BBS9: variants seen among roughly 807,000 people sequenced by gnomAD.
The protein encoded by BBS9 is Bardet-Biedl syndrome 9.
Under a neutral mutation model 117.7 loss-of-function variants are expected in BBS9, and 89 were observed. That is an observed-to-expected ratio of 0.76 (90% CI 0.64 to 0.90). The LOEUF (loss-of-function observed/expected upper bound fraction) is 0.90. BBS9 is among the 40% of genes least tolerant of loss of function. The pLI is 0.00. For synonymous variants in BBS9, 379 were observed against 370.9 expected (o/e 1.02, Z -0.25); for missense variants, 982 against 1,042.2 (o/e 0.94, Z 0.80).
intron 3 of BBS9, 120 bp downstream of exon 3, chr7:33,152,971 C>T: frequency 8.7e-7 from 1 of 1,153,754 alleles, no homozygotes; most frequent in African/African-American, 1.5e-5. Flanking sequence ...TGGATATTGT[C>T]ACCTAGGGGT....
At chr7:33,162,302 G>C (rs1286461306) in intron 4 of BBS9, among the ~76,000 whole-genome samples, 1 of 152,058 alleles carries the variant, frequency 6.6e-6, no homozygotes, top group Non-Finnish European at 1.5e-5. Context: ...TATTAAATAG[G>C]GTATCTTTTC....
At chr7:33,387,699 G>C (rs768472698) in intron 18 of BBS9, among the ~76,000 whole-genome samples, 3 of 152,022 alleles carry the variant, frequency 2.0e-5, no homozygotes, top group Non-Finnish European at 4.4e-5. Context: ...AATGAGAAAA[G>C]ATTTCTATTT....
chr7:33,522,014 G>A (rs944296544), intron 20 of BBS9, among the ~76,000 whole-genome samples: 41 of 150,226 alleles, frequency 2.7e-4, no homozygotes, highest in South Asian at 2.1e-4. Flanking sequence ...TTTTGTTCTC[G>A]CGATAGTTTA....
intron 9 of BBS9, among the ~76,000 whole-genome samples, chr7:33,297,424 G>T (rs1805495573): frequency 6.6e-6 from 1 of 152,132 alleles, no homozygotes; most frequent in African/African-American, 2.4e-5. Context: ...CTAAGAAATT[G>T]TAATCATTGA....
chr7:33,275,934 TC>T (rs1800686405), intron 9 of BBS9, among the ~76,000 whole-genome samples: 1 of 152,212 alleles, frequency 6.6e-6, no homozygotes, highest in Admixed American at 6.5e-5. Context: ...ATGCTTATGT[TC>T]AAAAGTAGCC....
intron 20 of BBS9, among the ~76,000 whole-genome samples, chr7:33,524,802 G>A (rs887097114): frequency 6.6e-6 from 1 of 152,088 alleles, no homozygotes; most frequent in Non-Finnish European, 1.5e-5. Flanking sequence ...TTTTGAATGT[G>A]TTTGCTCTTG....
intron 5 of BBS9, among the ~76,000 whole-genome samples, chr7:33,253,368 CT>C (rs1405679133): frequency 6.6e-6 from 1 of 152,176 alleles, no homozygotes; most frequent in African/African-American, 2.4e-5. Context: ...AATTCCAGGA[CT>C]TTGGGAGGCT....
At chr7:33,454,953 T>C (rs1838424259) in intron 19 of BBS9, among the ~76,000 whole-genome samples, 1 of 152,202 alleles carries the variant, frequency 6.6e-6, no homozygotes, top group African/African-American at 2.4e-5. Context: ...CTTTCTGGTG[T>C]AAGAGCAGTT....
rs886227353 is a variant in BBS9 at position 33,605,869 on chromosome 7, G to A, written c.*643G>A. 3 of 153,092 alleles carry A rather than the reference G, an allele frequency of 2.0e-5. No homozygotes were observed. The highest frequency in any genetic ancestry group is 7.2e-5 in the African/African-American group (3 of 41,556). 9.5% of individuals were successfully genotyped at this position (153,092 alleles called of 1,614,324 possible). ...AAAATGTTTAAATATTTTCAAGGAA[G>A]CTAGTACATTAACATCCCCTTTTCA... On this transcript the variant is annotated 3_prime_UTR_variant, in exon 23 of 23. Coordinates refer to ENST00000242067, the MANE Select transcript of BBS9 (RefSeq NM_198428.3).
intron 19 of BBS9, among the ~76,000 whole-genome samples, chr7:33,482,041 T>C (rs1584977778): frequency 6.6e-6 from 1 of 152,176 alleles, no homozygotes; most frequent in Non-Finnish European, 1.5e-5. Flanking sequence ...TAACGGTGTC[T>C]CTGATCGGGT....
chr7:33,572,943 A>G (rs1858069590), intron 21 of BBS9, among the ~76,000 whole-genome samples: 1 of 152,018 alleles, frequency 6.6e-6, no homozygotes, highest in African/African-American at 2.4e-5. Flanking sequence ...TTTGATACTG[A>G]AAATTTCCCA....
At chr7:33,194,435 T>A (rs1472092210) in intron 5 of BBS9, among the ~76,000 whole-genome samples, 2 of 152,234 alleles carry the variant, frequency 1.3e-5, no homozygotes, top group African/African-American at 4.8e-5. Flanking sequence ...GTTCTTTCTT[T>A]GGTTTCATTG....
At chr7:33,590,459 G>GTTTTTTTGTTTTTGT (rs1554551689) in intron 21 of BBS9, among the ~76,000 whole-genome samples, 21,415 of 100,762 alleles carry the variant, frequency 0.21, 2,710 homozygotes, top group African/African-American at 0.42. Flanking sequence ...TTGTTTTTTT[G>GTTTTTTTGTTTTTGT]TTTTTTTTTT....
intron 21 of BBS9, among the ~76,000 whole-genome samples, chr7:33,589,126 C>T (rs1303648511): frequency 1.3e-5 from 2 of 152,146 alleles, no homozygotes; most frequent in Non-Finnish European, 2.9e-5. Flanking sequence ...TTTAGCAATA[C>T]AGTAATTCCC....
At chr7:33,322,477 T>A (rs1313593880) in intron 9 of BBS9, among the ~76,000 whole-genome samples, 12 of 151,598 alleles carry the variant, frequency 7.9e-5, no homozygotes, top group African/African-American at 2.9e-4. Context: ...TATATTTGTA[T>A]GTGTCTAGGA....
intron 19 of BBS9, among the ~76,000 whole-genome samples, chr7:33,428,527 A>G (rs190179489): frequency 2.6e-5 from 4 of 152,116 alleles, no homozygotes; most frequent in Non-Finnish European, 4.4e-5. Flanking sequence ...GGAGATAATT[A>G]TTCTTTTCTC....
chr7:33,284,290 G>A (rs115398895), intron 9 of BBS9, among the ~76,000 whole-genome samples: 2 of 152,060 alleles, frequency 1.3e-5, no homozygotes, highest in Non-Finnish European at 2.9e-5. Context: ...TTTTTTGGGA[G>A]GTGGTAGTTA....
chr7:33,156,825 T>C (rs1454777783), intron 4 of BBS9, among the ~76,000 whole-genome samples: 1 of 152,174 alleles, frequency 6.6e-6, no homozygotes, highest in Non-Finnish European at 1.5e-5. Flanking sequence ...TAAAGTGTGC[T>C]CTCATTGATT....
At chr7:33,540,399 A>G (rs575231029) in intron 21 of BBS9, among the ~76,000 whole-genome samples, 1 of 152,364 alleles carries the variant, frequency 6.6e-6, no homozygotes, top group South Asian at 2.1e-4. Context: ...CAGAGGCAAT[A>G]AACAGAAGAC....
Sources: allele counts gnomAD v4.1 joint callset (sites outside exome capture counted in the v4.1 genomes callset), GRCh38; gene constraint gnomAD v4.1.1; transcripts MANE v1.5; gene names NCBI Gene and HGNC (gene_info 2026-07-23, HGNC 2026-07-21).